Variants in EYS observed in about 807,000 individuals in gnomAD.
EYS encodes the protein EGF-like photoreceptor maintenance factor, also known as protein eyes shut homolog.
Under a neutral mutation model 282.1 loss-of-function variants are expected in EYS, and 250 were observed. The ratio of observed to expected loss-of-function variants is 0.89; its 90% CI spans 0.80 to 0.98. The LOEUF (loss-of-function observed/expected upper bound fraction) is 0.98. EYS is among the 50% of genes least tolerant of loss of function. EYS has a pLI of 0.00. For synonymous variants in EYS, 1,355 were observed against 1,282.9 expected, an observed-to-expected ratio of 1.06 and a Z score of -1.20; for missense variants, 4,016 against 3,709.0, an observed-to-expected ratio of 1.08 and a Z score of -2.15.
chr6:65,050,898 AG>A (rs1275934341), intron 13 of EYS, among the ~76,000 whole-genome samples: 2 of 151,724 alleles, frequency 1.3e-5, no homozygotes, highest in Non-Finnish European at 3.0e-5. Context: ...AACACACTTA[AG>A]CATTTTTATT....
At chr6:64,511,320 A>G (rs776067711) in intron 26 of EYS, among the ~76,000 whole-genome samples, 45 of 132,046 alleles carry the variant, frequency 3.4e-4, no homozygotes, top group South Asian at 2.6e-3. Flanking sequence ...AGTTGAATAT[A>G]TGATCCAAAT....
intron 19 of EYS, among the ~76,000 whole-genome samples, chr6:64,844,756 AT>A (rs1765670066): frequency 6.6e-6 from 1 of 152,190 alleles, no homozygotes; most frequent in South Asian, 2.1e-4. Flanking sequence ...TAACAAAATC[AT>A]TTAACATTAT....
intron 29 of EYS, among the ~76,000 whole-genome samples, chr6:64,312,101 A>T (rs541271464): frequency 1.3e-5 from 2 of 151,698 alleles, no homozygotes; most frequent in African/African-American, 4.8e-5. Flanking sequence ...TCCCACCCCA[A>T]CGGAGCCCAA....
intron 31 of EYS, among the ~76,000 whole-genome samples, chr6:64,154,162 TG>T (rs1220380142): frequency 6.6e-6 from 1 of 152,132 alleles, no homozygotes; most frequent in African/African-American, 2.4e-5. Context: ...ATTGCCAGGC[TG>T]GGAGCGGTGG....
At chr6:64,639,741 T>C (rs1582984792) in intron 22 of EYS, among the ~76,000 whole-genome samples, 1 of 91,094 alleles carries the variant, frequency 1.1e-5, no homozygotes, top group Non-Finnish European at 2.4e-5. Context: ...AAAGAGCTTC[T>C]GCACAGGAAA....
intron 2 of EYS, among the ~76,000 whole-genome samples, chr6:65,601,967 T>G (rs1249316752): frequency 6.6e-6 from 1 of 151,836 alleles, no homozygotes; most frequent in African/African-American, 2.4e-5. Context: ...ATGAAGAAAA[T>G]AAAAATAGCT....
intron 26 of EYS, among the ~76,000 whole-genome samples, chr6:64,450,840 A>T (rs78773386): frequency 0.28 from 42,121 of 151,976 alleles, 5,957 homozygotes; most frequent in East Asian, 0.46. Flanking sequence ...TCAGAATCTC[A>T]GGGACACATT....
chr6:65,351,934 CT>C (rs1440138197), intron 9 of EYS, among the ~76,000 whole-genome samples: 2 of 151,798 alleles, frequency 1.3e-5, no homozygotes, highest in African/African-American at 4.8e-5. Flanking sequence ...CTAAATAGTC[CT>C]GAGGTTAATT....
chr6:64,970,798 T>C (rs1021338907), intron 14 of EYS, among the ~76,000 whole-genome samples: 2 of 152,118 alleles, frequency 1.3e-5, no homozygotes, highest in Admixed American at 1.3e-4. Flanking sequence ...GTTAAATTGC[T>C]TGATATGTAC....
At chr6:63,743,770 T>C (rs1346828467) in intron 41 of EYS, among the ~76,000 whole-genome samples, 1 of 152,132 alleles carries the variant, frequency 6.6e-6, no homozygotes, top group Non-Finnish European at 1.5e-5. Context: ...AGAAGAACAT[T>C]TGAGTATTCT....
chr6:64,033,928 A>G (rs796437573), intron 33 of EYS, among the ~76,000 whole-genome samples: 8 of 152,276 alleles, frequency 5.3e-5, no homozygotes, highest in African/African-American at 1.9e-4. Flanking sequence ...CTTAACAAAT[A>G]TTCAGGTGTG....
At chr6:65,635,000 CA>C (rs1194874986) in intron 2 of EYS, among the ~76,000 whole-genome samples, 1 of 152,118 alleles carries the variant, frequency 6.6e-6, no homozygotes, top group Non-Finnish European at 1.5e-5. Flanking sequence ...CCTGAGATGC[CA>C]TCTCCTCATA....
At chr6:63,885,046 C>A (rs906459856) in intron 35 of EYS, among the ~76,000 whole-genome samples, 1 of 152,064 alleles carries the variant, frequency 6.6e-6, no homozygotes, top group Non-Finnish European at 1.5e-5. Flanking sequence ...AATTACATGG[C>A]AAAATTAACA....
chr6:64,718,609 T>C (rs1323155175), intron 22 of EYS, among the ~76,000 whole-genome samples: 1 of 152,218 alleles, frequency 6.6e-6, no homozygotes, highest in Non-Finnish European at 1.5e-5. Flanking sequence ...TTGTGTGATT[T>C]TGCATAGCAC....
At chr6:63,836,685 T>A (rs980889842) in intron 36 of EYS, among the ~76,000 whole-genome samples, 51 of 152,060 alleles carry the variant, frequency 3.4e-4, no homozygotes, top group African/African-American at 6.5e-4. Context: ...TTAAAAAAAA[T>A]TTTTTGGCAT....
At chr6:63,738,331 C>T (rs1223860173) in intron 41 of EYS, among the ~76,000 whole-genome samples, 2 of 151,950 alleles carry the variant, frequency 1.3e-5, no homozygotes, top group Non-Finnish European at 2.9e-5. Flanking sequence ...AGACTTGGAA[C>T]CAACACAAAT....
chr6:63,736,928 C>A (rs547935871), intron 41 of EYS, among the ~76,000 whole-genome samples: 1 of 152,248 alleles, frequency 6.6e-6, no homozygotes, highest in Admixed American at 6.5e-5. Context: ...GATTTTTATA[C>A]GTTGATTTTG....
At chr6:65,680,775 A>C (rs1768786350) in intron 1 of EYS, among the ~76,000 whole-genome samples, 1 of 151,994 alleles carries the variant, frequency 6.6e-6, no homozygotes. Context: ...CACCATCAGC[A>C]AAGAAGTGAT....
intron 12 of EYS, among the ~76,000 whole-genome samples, chr6:65,223,546 C>A (rs995433294): frequency 2.0e-5 from 3 of 152,134 alleles, no homozygotes; most frequent in African/African-American, 7.2e-5. Context: ...GCAAAAATGA[C>A]TGTTTTCAAA....
Sources: allele counts gnomAD v4.1 joint callset (sites outside exome capture counted in the v4.1 genomes callset), GRCh38; gene constraint gnomAD v4.1.1; transcripts MANE v1.5; gene names NCBI Gene and HGNC (gene_info 2026-07-23, HGNC 2026-07-21).